Variants in DLGAP1 observed in about 807,000 individuals in gnomAD.
DLGAP1 encodes disks large-associated protein 1.
DLGAP1 carries 11 observed loss-of-function variants against 90.8 expected under a neutral mutation model. The observed-to-expected ratio is 0.12, with a 90% confidence interval of 0.08 to 0.20. DLGAP1 has a LOEUF of 0.20. DLGAP1 is among the 10% of genes least tolerant of loss of function. DLGAP1 has a pLI of 1.00. For missense variants in DLGAP1, 1,050 were observed against 1,333.8 expected, an observed-to-expected ratio of 0.79 and a Z score of 3.31; for synonymous variants, 558 against 540.7, an observed-to-expected ratio of 1.03 and a Z score of -0.44.
intron 1 of DLGAP1, among the ~76,000 whole-genome samples, chr18:4,284,251 T>C (rs1247059803): frequency 6.7e-6 from 1 of 149,800 alleles, no homozygotes; most frequent in East Asian, 2.0e-4. Context: ...GGGAGAAGCC[T>C]TTCAGCAGCA....
In DLGAP1 at chr18:4,342,909, A is replaced by G. The variant is rs115189512; in HGVS notation, c.-267+112097T>C. 1.6e-3 allele frequency among the ~76,000 whole-genome samples: 244 copies of G among 152,338 alleles called. 1 individual carries two copies. The highest frequency in any genetic ancestry group is 5.5e-3 in the African/African-American group (228 of 41,582). On this transcript the variant is annotated intron_variant, in intron 1 of 12. Transcript: ENST00000315677. The surrounding 1 kb of genome is among the most constrained non-coding windows in gnomAD (Gnocchi z 5.8). ...TGCATAAACAATATCAGATCTGAAT[A>G]TGAGAGATGAAGCCAAAATTTTTGG...
intron 1 of DLGAP1, among the ~76,000 whole-genome samples, chr18:4,154,156 G>C (rs2076717744): frequency 6.6e-6 from 1 of 151,794 alleles, no homozygotes; most frequent in African/African-American, 2.4e-5. Flanking sequence ...TCAAACTCCT[G>C]GGCTCAAGTG....
intron 2 of DLGAP1, among the ~76,000 whole-genome samples, chr18:4,046,798 GTCTGTAGAA>G (rs1443740094): frequency 2.6e-5 from 4 of 152,212 alleles, no homozygotes; most frequent in African/African-American, 9.6e-5. Context: ...AGTTTGAAGT[GTCTGTAGAA>G]CATATATAGC....
chr18:3,832,361 T>G (rs2148564910), intron 4 of DLGAP1, among the ~76,000 whole-genome samples: 1 of 152,320 alleles, frequency 6.6e-6, no homozygotes, highest in South Asian at 2.1e-4. Flanking sequence ...ACCTTTTTGG[T>G]GATGAGTCAA....
intron 2 of DLGAP1, among the ~76,000 whole-genome samples, chr18:4,055,827 A>C (rs1339101898): frequency 3.3e-5 from 5 of 152,276 alleles, no homozygotes; most frequent in Admixed American, 2.6e-4. Flanking sequence ...ATAAAAATTT[A>C]GGAAAAATAT....
At chr18:3,907,485 C>T (rs921993569) in intron 3 of DLGAP1, among the ~76,000 whole-genome samples, 2 of 152,158 alleles carry the variant, frequency 1.3e-5, no homozygotes, top group African/African-American at 4.8e-5. Context: ...TGCCTAAATT[C>T]CAAGCTGGGG....
intron 3 of DLGAP1, among the ~76,000 whole-genome samples, chr18:3,957,562 G>A (rs888148100): frequency 3.3e-5 from 5 of 151,822 alleles, no homozygotes; most frequent in African/African-American, 7.3e-5. Flanking sequence ...TTTTAAAATC[G>A]TTAGACATTT....
intron 1 of DLGAP1, among the ~76,000 whole-genome samples, chr18:4,437,847 A>G (rs2083439438): frequency 6.6e-6 from 1 of 152,172 alleles, no homozygotes; most frequent in Admixed American, 6.5e-5. Flanking sequence ...GAATTAACAT[A>G]TAAAGACAAA....
chr18:4,104,663 G>A lies in DLGAP1; in HGVS notation c.-159+46517C>T, dbSNP rs567071210. On this transcript the variant is annotated intron_variant, in intron 2 of 12. Coordinates refer to ENST00000315677, the MANE Select transcript of DLGAP1 (RefSeq NM_004746.4). ...TCTGATCACGTTCTTCTTGAGACACGTTCTGTTTTTTGAATGCAGATTACG... is the reference window on the plus strand; with the variant it reads ...TCTGATCACGTTCTTCTTGAGACACATTCTGTTTTTTGAATGCAGATTACG... Among the ~76,000 whole-genome samples the A allele has an allele frequency of 6.6e-4, 100 of 152,126 alleles. 1 individual carries two copies. The highest frequency in any genetic ancestry group is 1.9e-3 in the African/African-American group (79 of 41,514).
chr18:3,698,453 T>G (rs1209757251), intron 7 of DLGAP1, among the ~76,000 whole-genome samples: 1 of 152,214 alleles, frequency 6.6e-6, no homozygotes, highest in Non-Finnish European at 1.5e-5. Flanking sequence ...GAAGCTTAGT[T>G]TGGCTGGATA....
intron 7 of DLGAP1, chr18:3,655,749 G>A (rs762459566): frequency 6.6e-5 from 17 of 258,934 alleles, no homozygotes; most frequent in Non-Finnish European, 9.5e-5. Flanking sequence ...AAAGATCCAG[G>A]GCAAAGGTTC....
Position 3,688,449 on chromosome 18 carries a change from A to G in DLGAP1, c.1591+40686T>C, listed in dbSNP as rs146276426. Among the ~76,000 whole-genome samples, 760 of 152,200 alleles carry G rather than the reference A, an allele frequency of 5.0e-3. 10 individuals are homozygous for G. The highest frequency in any genetic ancestry group is 0.017 in the African/African-American group (716 of 41,528). ...GGCATCTTGGCACCCTAAGGGAAAG[A>G]TCAGTGAAATGCTGAAAAATTATTA... is the stretch of plus-strand genomic sequence containing the variant. On this transcript the variant is annotated intron_variant, in intron 7 of 12. Transcript: ENST00000315677.
intron 1 of DLGAP1, among the ~76,000 whole-genome samples, chr18:4,331,291 T>C (rs2080944942): frequency 6.6e-6 from 1 of 151,756 alleles, no homozygotes. Context: ...TCGAGCTCTC[T>C]ATAGGTCAGT....
chr18:4,226,739 A>G (rs548404988), intron 1 of DLGAP1, among the ~76,000 whole-genome samples: 1 of 151,564 alleles, frequency 6.6e-6, no homozygotes, highest in Admixed American at 6.6e-5. Flanking sequence ...AAATGAAAAC[A>G]GACCACAAGA....
At chr18:3,835,605 C>T (rs2068325722) in intron 4 of DLGAP1, among the ~76,000 whole-genome samples, 1 of 147,606 alleles carries the variant, frequency 6.8e-6, no homozygotes, top group Middle Eastern at 3.5e-3. Flanking sequence ...GCCAAGATCG[C>T]GTCATTGCAC....
At chr18:3,863,436 G>A (rs1446173744) in intron 4 of DLGAP1, among the ~76,000 whole-genome samples, 1 of 152,180 alleles carries the variant, frequency 6.6e-6, no homozygotes, top group Non-Finnish European at 1.5e-5. Flanking sequence ...ATCCTCAGGT[G>A]TTATAATCTG....
intron 4 of DLGAP1, among the ~76,000 whole-genome samples, chr18:3,851,644 T>C (rs145602476): frequency 2.0e-5 from 3 of 152,164 alleles, no homozygotes; most frequent in Middle Eastern, 6.8e-3. Flanking sequence ...ACCTGCACAA[T>C]ATCCTGAACC....
At chr18:3,955,263 T>G (rs1486966190) in intron 3 of DLGAP1, among the ~76,000 whole-genome samples, 2 of 152,172 alleles carry the variant, frequency 1.3e-5, no homozygotes, top group East Asian at 3.8e-4. Context: ...TCCGGACTTG[T>G]CTAACAAATC....
intron 3 of DLGAP1, among the ~76,000 whole-genome samples, chr18:3,949,740 C>A (rs1029246305): frequency 4.6e-5 from 7 of 152,112 alleles, no homozygotes; most frequent in Admixed American, 2.0e-4. Flanking sequence ...TTGACACAAA[C>A]ACAAGCTTAT....
Sources: gnomAD v4.1 joint callset for allele counts (sites outside exome capture counted in the v4.1 genomes callset) on GRCh38, gnomAD v4.1.1 for gene constraint, Gnocchi (gnomAD v3.1) non-coding constraint, MANE v1.5 for transcripts, NCBI Gene and HGNC (gene_info 2026-07-23, HGNC 2026-07-21) for gene names.